The following CACNA2D1 variants were observed in gnomAD, a reference collection of about 807,000 sequenced individuals.
CACNA2D1 encodes the protein calcium voltage-gated channel auxiliary subunit alpha2delta 1.
Under a neutral mutation model 171.5 loss-of-function variants are expected in CACNA2D1, and 53 were observed. That is an observed-to-expected ratio of 0.31 (90% CI 0.25 to 0.39). The LOEUF is 0.39. CACNA2D1 is among the 10% of genes least tolerant of loss of function. CACNA2D1 has a pLI of 1.00. For synonymous variants in CACNA2D1, 442 were observed against 443.1 expected, an observed-to-expected ratio of 1.00 and a Z score of 0.03; for missense variants, 903 against 1,299.8, an observed-to-expected ratio of 0.69 and a Z score of 4.69.
intron 1 of CACNA2D1, among the ~76,000 whole-genome samples, chr7:82,436,128 T>C (rs1191648374): frequency 4.6e-5 from 7 of 152,192 alleles, no homozygotes; most frequent in Non-Finnish European, 7.3e-5. Context: ...GTACGTAATT[T>C]GCACTGAATA....
chr7:82,110,326 G>C (rs1788225454), intron 6 of CACNA2D1, among the ~76,000 whole-genome samples: 1 of 152,046 alleles, frequency 6.6e-6, no homozygotes, highest in African/African-American at 2.4e-5. Flanking sequence ...CCTACAATAG[G>C]ATTAGTGGCC....
intron 3 of CACNA2D1, among the ~76,000 whole-genome samples, chr7:82,227,849 A>G (rs1802519810): frequency 6.6e-6 from 1 of 152,190 alleles, no homozygotes; most frequent in Non-Finnish European, 1.5e-5. Flanking sequence ...TACTAAGTAT[A>G]ATAAATAAAG....
intron 3 of CACNA2D1, among the ~76,000 whole-genome samples, chr7:82,290,875 C>G (rs768867689): frequency 6.6e-6 from 1 of 151,620 alleles, no homozygotes; most frequent in Non-Finnish European, 1.5e-5. Context: ...GGATTTCAGA[C>G]GTGAGCCCCC....
At chr7:82,281,232 A>G (rs983657252) in intron 3 of CACNA2D1, among the ~76,000 whole-genome samples, 8 of 152,198 alleles carry the variant, frequency 5.3e-5, no homozygotes, top group African/African-American at 1.9e-4. Context: ...CTTTGCATTG[A>G]TAAGACTGCT....
chr7:82,024,912 A>G lies in CACNA2D1; in HGVS notation c.1143+7885T>C, dbSNP rs566914328. Among the ~76,000 whole-genome samples, 42 of 151,642 alleles carry G rather than the reference A, an allele frequency of 2.8e-4. 1 individual carries two copies. Among genetic ancestry groups the G allele is most frequent in the African/African-American group, 1.0e-3 (42 of 41,504 alleles). On this transcript the variant is annotated intron_variant, in intron 12 of 38. Transcript: ENST00000356860. ...TTTGTTGCACAATGGGGAAACCATT[A>G]TGTATTGTTTGCACCCTTATAGAGG... is the stretch of plus-strand genomic sequence containing the variant.
chr7:82,305,129 TTC>T (rs1813556934), intron 3 of CACNA2D1, among the ~76,000 whole-genome samples: 1 of 152,216 alleles, frequency 6.6e-6, no homozygotes, highest in South Asian at 2.1e-4. Context: ...TTCAGATAAC[TTC>T]TCTCTAAAAT....
intron 3 of CACNA2D1, among the ~76,000 whole-genome samples, chr7:82,214,021 G>A (rs1050370128): frequency 1.3e-5 from 2 of 152,116 alleles, no homozygotes; most frequent in African/African-American, 2.4e-5. Context: ...ACTTCCTGCT[G>A]TGTCCCCACA....
chr7:82,047,068 C>T (rs996415015), intron 10 of CACNA2D1, among the ~76,000 whole-genome samples: 1 of 152,124 alleles, frequency 6.6e-6, no homozygotes, highest in Non-Finnish European at 1.5e-5. Context: ...CCCCCTGCAT[C>T]TCCACCTGAC....
At chr7:82,142,510 T>C (rs1485875532) in intron 4 of CACNA2D1, among the ~76,000 whole-genome samples, 3 of 152,168 alleles carry the variant, frequency 2.0e-5, no homozygotes, top group Admixed American at 6.5e-5. Flanking sequence ...AGCTTCCCCA[T>C]GGAACTAAGA....
chr7:82,259,831 G>T (rs541146405), intron 3 of CACNA2D1, among the ~76,000 whole-genome samples: 1 of 152,276 alleles, frequency 6.6e-6, no homozygotes, highest in African/African-American at 2.4e-5. Context: ...CCTTGAACAA[G>T]TTACTTAACC....
intron 24 of CACNA2D1, among the ~76,000 whole-genome samples, chr7:81,974,876 G>A (rs1584250851): frequency 6.6e-6 from 1 of 151,910 alleles, no homozygotes. Context: ...GGCATCGGGG[G>A]CAAGGGGAGG....
chr7:82,281,769 T>G (rs1417931926), intron 3 of CACNA2D1, among the ~76,000 whole-genome samples: 2 of 151,246 alleles, frequency 1.3e-5, no homozygotes, highest in Admixed American at 1.3e-4. Flanking sequence ...TTATGAACTT[T>G]CATTTAATAG....
At chr7:81,986,574 A>C (rs187335786) in intron 21 of CACNA2D1, among the ~76,000 whole-genome samples, 1 of 152,252 alleles carries the variant, frequency 6.6e-6, no homozygotes, top group Non-Finnish European at 1.5e-5. Context: ...AAGGAAAAAA[A>C]AAGCAAGGGT....
chr7:81,959,940 C>A (rs969696407), intron 36 of CACNA2D1, 111 bp from the exon 37 acceptor site: 15 of 1,472,712 alleles, frequency 1.0e-5, no homozygotes, highest in Admixed American at 4.0e-5. Flanking sequence ...ACATCTGAAA[C>A]AGAAACCATT....
At chr7:81,990,164 AGT>A (rs1374381605) in intron 21 of CACNA2D1, among the ~76,000 whole-genome samples, 1 of 152,140 alleles carries the variant, frequency 6.6e-6, no homozygotes, top group Non-Finnish European at 1.5e-5. Flanking sequence ...TGCTACTTAA[AGT>A]GTTTTCCATG....
chr7:82,044,360 ATATT>A (rs1804300374), intron 10 of CACNA2D1, among the ~76,000 whole-genome samples: 1 of 152,200 alleles, frequency 6.6e-6, no homozygotes, highest in African/African-American at 2.4e-5. Context: ...AAATTGTTCA[ATATT>A]TATTACTTAA....
At chr7:82,043,210 ATGT>A (rs1286456769) in intron 10 of CACNA2D1, among the ~76,000 whole-genome samples, 2 of 152,200 alleles carry the variant, frequency 1.3e-5, no homozygotes, top group South Asian at 2.1e-4. Flanking sequence ...GCTCTGCAAT[ATGT>A]TGTTAAACTT....
chr7:82,382,890 C>T (rs75543931), intron 1 of CACNA2D1, among the ~76,000 whole-genome samples: 5,603 of 152,216 alleles, frequency 0.037, 148 homozygotes, highest in Middle Eastern at 0.072. Context: ...TATTTGGAGA[C>T]ATTTCTGCAT....
At chr7:82,413,800 G>A (rs1450698835) in intron 1 of CACNA2D1, among the ~76,000 whole-genome samples, 1 of 151,774 alleles carries the variant, frequency 6.6e-6, no homozygotes, top group African/African-American at 2.4e-5. Context: ...ACTATGATGG[G>A]AAATGCTTAT....
Sources: allele counts gnomAD v4.1 joint callset (sites outside exome capture counted in the v4.1 genomes callset), GRCh38; gene constraint gnomAD v4.1.1; transcripts MANE v1.5; gene names NCBI Gene and HGNC (gene_info 2026-07-23, HGNC 2026-07-21).